PCDHGA6: variants seen among roughly 807,000 people sequenced by gnomAD.
The protein encoded by PCDHGA6 is protocadherin gamma subfamily A, 6.
PCDHGA6 carries 41 observed loss-of-function variants against 60.6 expected under a neutral mutation model. The observed-to-expected ratio is 0.68, with a 90% confidence interval of 0.53 to 0.88. PCDHGA6 has a LOEUF of 0.88. PCDHGA6 is among the 40% of genes least tolerant of loss of function. The pLI is 0.00. For missense variants in PCDHGA6, 1,312 were observed against 1,203.0 expected (o/e 1.09, Z -1.34); for synonymous variants, 594 against 524.4 (o/e 1.13, Z -1.81).
At chr5:141,389,408 G>A (rs2091745894) in intron 1 of PCDHGA6, 6 of 1,613,494 alleles carry the variant, frequency 3.7e-6, no homozygotes, top group Admixed American at 1.7e-5. Flanking sequence ...TAAGCGCGGA[G>A]AGCGGGGTGG....
At chr5:141,433,732 G>A (rs1181042854) in intron 1 of PCDHGA6, among the ~76,000 whole-genome samples, 2 of 151,886 alleles carry the variant, frequency 1.3e-5, no homozygotes, top group Non-Finnish European at 2.9e-5. Flanking sequence ...AGCTACTTGG[G>A]AGGCTGAGTC....
At chr5:141,470,416 A>AT (rs1300623208) in intron 1 of PCDHGA6, among the ~76,000 whole-genome samples, 3 of 152,134 alleles carry the variant, frequency 2.0e-5, no homozygotes, top group African/African-American at 7.2e-5. Flanking sequence ...GATTTTATGT[A>AT]TTTTTTCCTT....
intron 1 of PCDHGA6, chr5:141,417,646 C>G: frequency 1.3e-6 from 1 of 797,874 alleles, no homozygotes. Context: ...GATCCCTCAG[C>G]CTCTAGCCTG....
intron 1 of PCDHGA6, chr5:141,384,749 T>C (rs781370362): frequency 5.0e-6 from 8 of 1,613,822 alleles, no homozygotes; most frequent in Non-Finnish European, 4.2e-6. Flanking sequence ...CCAGGACTCT[T>C]TGCGGTTGGG....
chr5:141,418,699 C>A, intron 1 of PCDHGA6: 1 of 1,614,014 alleles, frequency 6.2e-7, no homozygotes, highest in Non-Finnish European at 8.5e-7. Context: ...TCACTTATTC[C>A]TTCTTTGGTG....
At chr5:141,474,452 G>A (rs1341193950) in intron 1 of PCDHGA6, among the ~76,000 whole-genome samples, 1 of 152,158 alleles carries the variant, frequency 6.6e-6, no homozygotes, top group Non-Finnish European at 1.5e-5. Flanking sequence ...CAAGTGATTG[G>A]GCTATACTCT....
intron 1 of PCDHGA6, among the ~76,000 whole-genome samples, chr5:141,452,578 C>T (rs2098744735): frequency 6.6e-6 from 1 of 152,150 alleles, no homozygotes; most frequent in African/African-American, 2.4e-5. Flanking sequence ...TCCCCCTTTC[C>T]ATCTTTGTAT....
intron 1 of PCDHGA6, chr5:141,392,382 T>A (rs1463242705): frequency 6.5e-6 from 1 of 154,612 alleles, no homozygotes; most frequent in Non-Finnish European, 1.4e-5. Context: ...TCTGATCTAA[T>A]CTGATCATTT....
intron 1 of PCDHGA6, chr5:141,478,463 G>A: frequency 6.2e-7 from 1 of 1,613,424 alleles, no homozygotes; most frequent in South Asian, 1.1e-5. Context: ...CAGTCCACTG[G>A]CCAGCCGCCA....
At chr5:141,394,689 G>A (rs1354749268) in intron 1 of PCDHGA6, 4 of 1,612,344 alleles carry the variant, frequency 2.5e-6, no homozygotes, top group Non-Finnish European at 3.4e-6. Flanking sequence ...CACGGGCGAG[G>A]TGCGCACGGC....
In PCDHGA6 at chr5:141,463,518, G is replaced by A. The variant is rs537466389; in HGVS notation, c.2425-31289G>A. 5.7e-5 allele frequency among the ~76,000 whole-genome samples: 8 copies of A among 139,140 alleles called. No individual in the cohort carries two copies. The East Asian group carries it at 1.3e-3, about 22-fold the overall frequency. The allele number at this position is 139,140 out of a possible 152,430, so 91.3% of individuals were successfully genotyped here. On this transcript the variant is annotated intron_variant, in intron 1 of 3. Coordinates refer to ENST00000517434, the MANE Select transcript of PCDHGA6 (RefSeq NM_018919.3). The stretch of plus-strand genomic sequence containing the variant: ...GGCTGGAGTGACGTGGCGTGATCTC[G>A]GCTTACTAGAAACTCCGGCTCCCGG...
chr5:141,456,047 A>G (rs1321504293), intron 1 of PCDHGA6, among the ~76,000 whole-genome samples: 3 of 151,774 alleles, frequency 2.0e-5, no homozygotes, highest in Non-Finnish European at 4.4e-5. Context: ...ACAGGCGCCC[A>G]CCACCACGTC....
At chr5:141,464,618 C>G (rs1425657373) in intron 1 of PCDHGA6, among the ~76,000 whole-genome samples, 2 of 152,092 alleles carry the variant, frequency 1.3e-5, no homozygotes, top group Non-Finnish European at 2.9e-5. Context: ...AGTATATTGT[C>G]AAGCTTTTTA....
chr5:141,441,126 C>A (rs1319809408), intron 1 of PCDHGA6: 2 of 152,062 alleles, frequency 1.3e-5, no homozygotes, highest in Admixed American at 1.3e-4. Context: ...CAGTTGAGAC[C>A]GAATTTCTAG....
chr5:141,428,063 C>T lies in PCDHGA6; in HGVS notation c.2424+51556C>T, dbSNP rs777477669. 12 of 1,609,054 alleles carry T rather than the reference C, an allele frequency of 7.5e-6. No individual in the cohort carries two copies. In the African/African-American group the frequency reaches 1.3e-4, roughly 18 times the overall value. ...TGGTGACCAAGGTGGTGGCGGTGGA[C>T]GCAGATTCGGGACACAACGCTTGGC... On this transcript the variant is annotated intron_variant, in intron 1 of 3. Coordinates refer to ENST00000517434, the MANE Select transcript of PCDHGA6 (RefSeq NM_018919.3).
At chr5:141,416,119 T>G (rs930613185) in intron 1 of PCDHGA6, 1 of 155,364 alleles carries the variant, frequency 6.4e-6, no homozygotes, top group Admixed American at 6.5e-5. Flanking sequence ...AACTACATTT[T>G]ATATATTTTT....
At chr5:141,437,345 A>T (rs1018513998) in intron 1 of PCDHGA6, among the ~76,000 whole-genome samples, 2 of 152,252 alleles carry the variant, frequency 1.3e-5, no homozygotes, top group Non-Finnish European at 2.9e-5. Context: ...TCACTGTTTT[A>T]TAGTACCTAA....
intron 2 of PCDHGA6, among the ~76,000 whole-genome samples, chr5:141,496,592 T>G (rs948403662): frequency 6.6e-6 from 1 of 152,136 alleles, no homozygotes; most frequent in African/African-American, 2.4e-5. Context: ...GCAAAGCGCT[T>G]CTTAGAAGGC....
chr5:141,451,874 C>T (rs1264178631), intron 1 of PCDHGA6, among the ~76,000 whole-genome samples: 1 of 151,956 alleles, frequency 6.6e-6, no homozygotes, highest in Non-Finnish European at 1.5e-5. Context: ...GAATGAAACC[C>T]TGTCAAGAAA....
Sources: gnomAD v4.1 joint callset for allele counts (sites outside exome capture counted in the v4.1 genomes callset) on GRCh38, gnomAD v4.1.1 for gene constraint, MANE v1.5 for transcripts, NCBI Gene and HGNC (gene_info 2026-07-23, HGNC 2026-07-21) for gene names.